Variants in OTOA observed in about 807,000 individuals in gnomAD.
OTOA encodes otoancorin, also known as cancer/testis antigen 108.
In OTOA, 70 loss-of-function variants were observed where a neutral mutation model predicts 110.8. The observed-to-expected ratio is 0.63, with a 90% confidence interval of 0.52 to 0.77. The LOEUF (loss-of-function observed/expected upper bound fraction) is 0.77, where lower values mean the gene tolerates loss of function less well. Among genes scored for constraint, OTOA ranks in the 30% least tolerant of loss-of-function variants. The pLI is 0.00. For synonymous variants in OTOA, 373 were observed against 431.5 expected (o/e 0.86, Z 1.68); for missense variants, 917 against 1,075.8 (o/e 0.85, Z 2.06).
Position 21,697,845 on chromosome 16 carries a change from T to C in OTOA, c.810T>C (p.Phe270=). ...VLGRYMVHLS[F]EEITKISPIE... Reference sequence around the variant, plus strand: ...GCAGATACATGGTTCACCTATCGTTTGAAGAAATTACGAAAATTAGTCCTA... The same window carrying C: ...GCAGATACATGGTTCACCTATCGTTCGAAGAAATTACGAAAATTAGTCCTA... Residue 270 remains phenylalanine (F), a synonymous_variant, in exon 10 of 29, where the codon TTT becomes TTC. Coordinates refer to ENST00000646100, the MANE Select transcript of OTOA (RefSeq NM_144672.4). The C allele has an allele frequency of 6.2e-7, 1 of 1,614,110 alleles. No homozygotes were observed. Among genetic ancestry groups the C allele is most frequent in the Non-Finnish European group, 8.5e-7 (1 of 1,179,992 alleles).
In OTOA at chr16:21,719,440, C is replaced by T. The variant is rs1160373948; in HGVS notation, c.1742C>T (p.Thr581Ile). 1 of 1,614,062 alleles carries T rather than the reference C, an allele frequency of 6.2e-7. No individual in the cohort carries two copies. The highest frequency in any genetic ancestry group is 8.5e-7 in the Non-Finnish European group (1 of 1,180,040). ...TGCTCACACATTGATGCCATGAGCA[C>T]TGACTTCTTTCTGGCCCATTTCCAG... is the stretch of plus-strand genomic sequence containing the variant. ...VTCSHIDAMS[T>I]DFFLAHFQDF... Residue 581 changes from threonine (T) to isoleucine (I), a missense_variant, in exon 17 of 29, where the codon ACT (threonine) becomes ATT (isoleucine). This residue lies in a region of OTOA where 840 missense variants were observed against 910.2 expected (regional missense o/e 0.92). Transcript: ENST00000646100.
intron 8 of OTOA, among the ~76,000 whole-genome samples, chr16:21,690,307 G>T (rs1272456197): frequency 6.6e-6 from 1 of 151,938 alleles, no homozygotes; most frequent in East Asian, 1.9e-4. Flanking sequence ...ATCAAGCCCA[G>T]CATGCATTAG....
chr16:21,710,169 G>T (rs1898314004), intron 13 of OTOA, 66 bp downstream of exon 13: 1 of 1,430,462 alleles, frequency 7.0e-7, no homozygotes, highest in Non-Finnish European at 9.6e-7. Context: ...GACCTGCCAG[G>T]CTGCCATAAA....
At chr16:21,713,460 A>G (rs1835735580) in intron 13 of OTOA, among the ~76,000 whole-genome samples, 1 of 152,118 alleles carries the variant, frequency 6.6e-6, no homozygotes, top group African/African-American at 2.4e-5. Flanking sequence ...TCGCGGGGCC[A>G]AGGGAGGGAG....
intron 1 of OTOA, among the ~76,000 whole-genome samples, chr16:21,675,696 A>C (rs1332440484): frequency 6.6e-6 from 1 of 151,780 alleles, no homozygotes; most frequent in East Asian, 1.9e-4. Context: ...TTGTATTTTT[A>C]TCTCTAGAAG....
chr16:21,685,140 A>AG, intron 6 of OTOA, 90 bp from the exon 7 acceptor site: 1 of 1,536,508 alleles, frequency 6.5e-7, no homozygotes. Flanking sequence ...GCAGGGAATG[A>AG]GGGGGCCGGG....
At chr16:21,680,598 A>G (rs1966881075) in intron 5 of OTOA, among the ~76,000 whole-genome samples, 1 of 152,084 alleles carries the variant, frequency 6.6e-6, no homozygotes, top group Admixed American at 6.6e-5. Context: ...TTATCCTGTA[A>G]TCCCAGCACT....
rs1167084825 is a variant in OTOA at position 21,728,321 on chromosome 16, G to A, written c.2097G>A (p.Arg699=). 6.2e-7 allele frequency: 1 copy of A among 1,614,168 alleles called. No homozygotes were observed. Among genetic ancestry groups the A allele is most frequent in the Non-Finnish European group, 8.5e-7 (1 of 1,180,020 alleles). Residue 699 remains arginine (R), a synonymous_variant, in exon 20 of 29, where the codon AGG becomes AGA. Coordinates refer to ENST00000646100, the MANE Select transcript of OTOA (RefSeq NM_144672.4). ...LCHLPAAIID[R]GISPRAWATA... ...ACTTGCCGGCAGCCATCATCGACAG[G>A]GGGATCTCCCCCAGGGCTTGGGCGA... is the stretch of plus-strand genomic sequence containing the variant.
intron 17 of OTOA, among the ~76,000 whole-genome samples, chr16:21,720,920 T>C (rs958430372): frequency 1.1e-4 from 16 of 149,100 alleles, no homozygotes; most frequent in East Asian, 3.9e-4. Flanking sequence ...TTATTATTAT[T>C]ATCATTATTA....
chr16:21,721,232 T>TACACACACACACAC, intron 17 of OTOA: 4 of 372,498 alleles, frequency 1.1e-5, no homozygotes, highest in East Asian at 7.8e-5. Flanking sequence ...ACATAATTAT[T>TACACACACACACAC]ACACACACAC....
chr16:21,673,051 G>T (rs551161722), intron 1 of OTOA, among the ~76,000 whole-genome samples: 2 of 152,260 alleles, frequency 1.3e-5, no homozygotes, highest in African/African-American at 2.4e-5. Flanking sequence ...AGGAGGCTGA[G>T]ACCAGAGGAT....
intron 12 of OTOA, among the ~76,000 whole-genome samples, chr16:21,707,486 C>T (rs962158252): frequency 2.0e-5 from 3 of 151,856 alleles, no homozygotes; most frequent in Non-Finnish European, 2.9e-5. Context: ...GGACTGGGGC[C>T]GGGGGATTGT....
chr16:21,716,416 G>A (rs1898555429), intron 14 of OTOA, among the ~76,000 whole-genome samples: 1 of 151,868 alleles, frequency 6.6e-6, no homozygotes, highest in Non-Finnish European at 1.5e-5. Flanking sequence ...CTAAAAATAC[G>A]AAAAATTAGC....
intron 6 of OTOA, among the ~76,000 whole-genome samples, chr16:21,684,712 G>A (rs1487097438): frequency 1.4e-5 from 2 of 146,180 alleles, no homozygotes; most frequent in African/African-American, 5.0e-5. Context: ...GATCTTGTGA[G>A]GAATCCCCTT....
At chr16:21,670,624 T>C (rs141526115) in intron 1 of OTOA, among the ~76,000 whole-genome samples, 97 of 152,342 alleles carry the variant, frequency 6.4e-4, no homozygotes, top group African/African-American at 2.2e-3. Flanking sequence ...GAGTTAGTTT[T>C]GTAAACTGCT....
intron 2 of OTOA, 94 bp downstream of exon 2, chr16:21,678,699 GT>G: frequency 7.8e-7 from 1 of 1,278,144 alleles, no homozygotes; most frequent in Non-Finnish European, 1.1e-6. Context: ...GCTGTAAGTT[GT>G]TTTTGGGCTG....
chr16:21,678,854 T>C (rs1966868824), intron 2 of OTOA, 61 bp from the exon 3 acceptor site: 1 of 1,582,552 alleles, frequency 6.3e-7, no homozygotes, highest in Non-Finnish European at 8.6e-7. Flanking sequence ...CTAACCCATA[T>C]TTGTAGTTTT....
chr16:21,683,287 C>T (rs1182964681), intron 6 of OTOA, among the ~76,000 whole-genome samples: 1 of 152,200 alleles, frequency 6.6e-6, no homozygotes, highest in African/African-American at 2.4e-5. Flanking sequence ...ATTGAAAACA[C>T]TTTACACACT....
intron 12 of OTOA, among the ~76,000 whole-genome samples, chr16:21,709,035 A>G (rs1370749696): frequency 6.6e-6 from 1 of 152,204 alleles, no homozygotes. Flanking sequence ...CTCTATATTT[A>G]TAAAGGTATA....
Sources: allele counts gnomAD v4.1 joint callset (sites outside exome capture counted in the v4.1 genomes callset), GRCh38; gene constraint gnomAD v4.1.1; regional missense constraint gnomAD v4.1.1; transcripts MANE v1.5; gene names NCBI Gene and HGNC (gene_info 2026-07-23, HGNC 2026-07-21).